The following GRIK1 variants were observed in gnomAD, a reference collection of about 807,000 sequenced individuals.
GRIK1 encodes the protein glutamate receptor ionotropic, kainate 1.
GRIK1 carries 69 observed loss-of-function variants against 105.7 expected under a neutral mutation model. The ratio of observed to expected loss-of-function variants is 0.65; its 90% CI spans 0.54 to 0.80. GRIK1 has a LOEUF of 0.80. Among genes scored for constraint, GRIK1 ranks in the 30% least tolerant of loss-of-function variants. The pLI is 0.00. For missense variants in GRIK1, 1,109 were observed against 1,167.3 expected (o/e 0.95, Z 0.73); for synonymous variants, 438 against 431.3 (o/e 1.02, Z -0.19).
intron 1 of GRIK1, among the ~76,000 whole-genome samples, chr21:29,806,815 G>C (rs964744158): frequency 2.0e-5 from 3 of 152,138 alleles, no homozygotes; most frequent in Non-Finnish European, 4.4e-5. Context: ...TAAGAACAAT[G>C]ACGACATTCA....
At chr21:29,770,410 C>T (rs1191438592) in intron 1 of GRIK1, among the ~76,000 whole-genome samples, 3 of 152,160 alleles carry the variant, frequency 2.0e-5, no homozygotes, top group Non-Finnish European at 4.4e-5. Context: ...TGCAGGGGTG[C>T]CGATGACTCC....
chr21:29,806,079 A>C (rs560730593), intron 1 of GRIK1, among the ~76,000 whole-genome samples: 1 of 152,306 alleles, frequency 6.6e-6, no homozygotes, highest in African/African-American at 2.4e-5. Context: ...TGTGACACCA[A>C]TAAACAGTCT....
chr21:29,929,467 A>G (rs888501506), intron 1 of GRIK1, among the ~76,000 whole-genome samples: 5 of 152,274 alleles, frequency 3.3e-5, no homozygotes, highest in Non-Finnish European at 4.4e-5. Context: ...GTTATCATGT[A>G]TAAGCAAGAA....
chr21:29,735,626 GT>G (rs2064769917), intron 1 of GRIK1, among the ~76,000 whole-genome samples: 2 of 152,206 alleles, frequency 1.3e-5, no homozygotes, highest in South Asian at 4.2e-4. Context: ...GCTGGGCACG[GT>G]TGCTCAGGAC....
At chr21:29,646,043 A>C (rs898531174) in intron 6 of GRIK1, among the ~76,000 whole-genome samples, 2 of 152,088 alleles carry the variant, frequency 1.3e-5, no homozygotes, top group Non-Finnish European at 2.9e-5. Flanking sequence ...ATAACTTTTA[A>C]CTCCTTGGAA....
At chr21:29,900,620 G>C (rs574422867) in intron 1 of GRIK1, among the ~76,000 whole-genome samples, 15 of 152,150 alleles carry the variant, frequency 9.9e-5, no homozygotes, top group Admixed American at 9.2e-4. Flanking sequence ...CAATACAGGA[G>C]CACCCAGTTT....
chr21:29,594,850 G>A (rs1263878537), intron 9 of GRIK1, among the ~76,000 whole-genome samples: 2 of 152,076 alleles, frequency 1.3e-5, no homozygotes, highest in Non-Finnish European at 2.9e-5. Context: ...TTTTAGTGAG[G>A]GATGTTGTAA....
intron 14 of GRIK1, 101 bp from the exon 15 acceptor site, chr21:29,561,950 A>G (rs770909992): frequency 1.0e-4 from 72 of 695,810 alleles, no homozygotes; most frequent in Admixed American, 1.1e-4. Context: ...TAGGGAGGAT[A>G]CTTTCTCCAC....
At chr21:29,793,944 G>A (rs1056135334) in intron 1 of GRIK1, among the ~76,000 whole-genome samples, 1 of 152,098 alleles carries the variant, frequency 6.6e-6, no homozygotes, top group African/African-American at 2.4e-5. Context: ...GTCCATTTCA[G>A]CATGGCTCTG....
At chr21:29,574,341 T>C (rs185695332) in intron 14 of GRIK1, among the ~76,000 whole-genome samples, 202 of 152,372 alleles carry the variant, frequency 1.3e-3, no homozygotes, top group African/African-American at 4.6e-3. Context: ...TTGAAGGAAG[T>C]AGAATCTTCT....
intron 1 of GRIK1, among the ~76,000 whole-genome samples, chr21:29,743,682 G>A (rs1313716623): frequency 2.6e-5 from 4 of 152,040 alleles, no homozygotes; most frequent in Admixed American, 2.0e-4. Context: ...GTGATAGAGT[G>A]AGACTCCATC....
chr21:29,724,913 A>G (rs1308282745), intron 1 of GRIK1, among the ~76,000 whole-genome samples: 1 of 151,174 alleles, frequency 6.6e-6, no homozygotes, highest in African/African-American at 2.4e-5. Flanking sequence ...GGAATTTGAC[A>G]CTCAGTCGTG....
intron 1 of GRIK1, among the ~76,000 whole-genome samples, chr21:29,721,157 C>T (rs980136545): frequency 6.6e-6 from 1 of 151,782 alleles, no homozygotes; most frequent in Non-Finnish European, 1.5e-5. Context: ...TGAGCACTCA[C>T]TTTTCTTTCC....
intron 1 of GRIK1, among the ~76,000 whole-genome samples, chr21:29,765,589 G>T (rs1025982103): frequency 6.6e-6 from 1 of 152,058 alleles, no homozygotes; most frequent in African/African-American, 2.4e-5. Context: ...AATAGTTACT[G>T]AGAGGGCCTT....
intron 1 of GRIK1, among the ~76,000 whole-genome samples, chr21:29,846,411 GAGAA>G (rs368520827): frequency 7.5e-6 from 1 of 134,116 alleles, no homozygotes; most frequent in East Asian, 2.1e-4. Context: ...AAAGAAGAAA[GAGAA>G]AGAAAGAAAA....
intron 1 of GRIK1, among the ~76,000 whole-genome samples, chr21:29,871,838 A>C (rs1468946962): frequency 7.2e-6 from 1 of 138,592 alleles, no homozygotes; most frequent in African/African-American, 2.7e-5. Context: ...ATCTCAGCTC[A>C]CTGCAGCCTC....
intron 1 of GRIK1, among the ~76,000 whole-genome samples, chr21:29,936,908 C>A (rs1379212701): frequency 6.6e-6 from 1 of 152,100 alleles, no homozygotes; most frequent in Non-Finnish European, 1.5e-5. Context: ...TTTTGCTATA[C>A]TTTACTTTGA....
At chr21:29,647,464 A>G (rs1167014658) in intron 6 of GRIK1, among the ~76,000 whole-genome samples, 1 of 152,198 alleles carries the variant, frequency 6.6e-6, no homozygotes, top group Non-Finnish European at 1.5e-5. Context: ...TGGGAACTCT[A>G]TGACGTCTTC....
At chr21:29,635,246 A>T (rs766277221) in intron 7 of GRIK1, among the ~76,000 whole-genome samples, 4 of 152,112 alleles carry the variant, frequency 2.6e-5, no homozygotes, top group Non-Finnish European at 4.4e-5. Flanking sequence ...GGAGACAGAC[A>T]CCCTCAGTGT....
Sources: gnomAD v4.1 joint callset for allele counts (sites outside exome capture counted in the v4.1 genomes callset) on GRCh38, gnomAD v4.1.1 for gene constraint, MANE v1.5 for transcripts, NCBI Gene and HGNC (gene_info 2026-07-23, HGNC 2026-07-21) for gene names.